Variants in BIN1 observed in about 807,000 individuals in gnomAD.
BIN1 encodes the protein bridging integrator 1.
BIN1 carries 53 observed loss-of-function variants against 82.0 expected under a neutral mutation model. The ratio of observed to expected loss-of-function variants is 0.65; its 90% CI spans 0.52 to 0.81. The LOEUF (loss-of-function observed/expected upper bound fraction) is 0.81. Among genes scored for constraint, BIN1 ranks in the 40% least tolerant of loss-of-function variants. BIN1 has a pLI of 0.00. For missense variants in BIN1, 642 were observed against 784.4 expected (o/e 0.82, Z 2.17); for synonymous variants, 302 against 328.0 (o/e 0.92, Z 0.86).
chr2:127,065,665 C>T lies in BIN1; in HGVS notation c.613-1647G>A, dbSNP rs1009004924. Among the ~76,000 whole-genome samples the T allele has an allele frequency of 3.3e-5, 5 of 152,186 alleles. No individual in the cohort carries two copies. The South Asian group carries it at 1.0e-3, about 31-fold the overall frequency. On this transcript the variant is annotated intron_variant, in intron 7 of 18. Coordinates refer to ENST00000316724, the MANE Select transcript of BIN1 (RefSeq NM_139343.3). The stretch of plus-strand genomic sequence containing the variant: ...CCCCCTCTCCATGAGGATGCAGCCA[C>T]CACCCCCACAACTCCCCAGATGGCA...
intron 2 of BIN1, 77 bp from the exon 3 acceptor site, chr2:127,070,893 T>C: frequency 6.9e-7 from 1 of 1,439,886 alleles, no homozygotes; most frequent in Non-Finnish European, 9.5e-7. Flanking sequence ...CCTGCCACCC[T>C]CACGTGAATG....
chr2:127,072,656 C>T (rs1686044325), intron 2 of BIN1, among the ~76,000 whole-genome samples: 1 of 152,074 alleles, frequency 6.6e-6, no homozygotes, highest in Admixed American at 6.5e-5. Flanking sequence ...CCTTTAATCC[C>T]CCATAGAGTA....
chr2:127,079,965 G>A (rs1263521887), intron 1 of BIN1, among the ~76,000 whole-genome samples: 1 of 152,236 alleles, frequency 6.6e-6, no homozygotes, highest in African/African-American at 2.4e-5. Flanking sequence ...GAGACCTCAG[G>A]CTGCTGAAGC....
intron 1 of BIN1, among the ~76,000 whole-genome samples, chr2:127,096,584 G>A (rs906911513): frequency 5.9e-5 from 9 of 152,090 alleles, no homozygotes; most frequent in Non-Finnish European, 5.9e-5. Context: ...TCTCTCATTC[G>A]GTGTCTCCCC....
intron 1 of BIN1, 94 bp from the exon 2 acceptor site, chr2:127,076,800 C>G: frequency 7.0e-7 from 1 of 1,421,708 alleles, no homozygotes; most frequent in Non-Finnish European, 9.9e-7. Context: ...AGACCAGGGG[C>G]TGGGAAGTCT....
chr2:127,099,121 A>G (rs1010718030), intron 1 of BIN1, among the ~76,000 whole-genome samples: 1 of 152,180 alleles, frequency 6.6e-6, no homozygotes, highest in Non-Finnish European at 1.5e-5. Flanking sequence ...GCACCCTCAA[A>G]CCCAGGGAGC....
At chr2:127,085,792 C>T (rs890992347) in intron 1 of BIN1, among the ~76,000 whole-genome samples, 1 of 152,210 alleles carries the variant, frequency 6.6e-6, no homozygotes, top group African/African-American at 2.4e-5. Flanking sequence ...TCCCTAGCTC[C>T]TCTGTGCCCC....
At chr2:127,091,571 A>G (rs1678930944) in intron 1 of BIN1, among the ~76,000 whole-genome samples, 1 of 152,172 alleles carries the variant, frequency 6.6e-6, no homozygotes, top group Non-Finnish European at 1.5e-5. Flanking sequence ...GAGGTGTTTG[A>G]TCAACAGGTA....
In BIN1 at chr2:127,086,697, G is replaced by C. The variant is rs201832605; in HGVS notation, c.85-9991C>G. ...TAATTTTTGAATTTTTAGTAGAGAT[G>C]GGGTTTCACCATGCTGGCCAGGCTG... On this transcript the variant is annotated intron_variant, in intron 1 of 18. Coordinates refer to ENST00000316724, the MANE Select transcript of BIN1 (RefSeq NM_139343.3). Among the ~76,000 whole-genome samples the C allele has an allele frequency of 2.0e-5, 3 of 151,998 alleles. No homozygotes were observed. The East Asian group carries it at 5.8e-4, about 29-fold the overall frequency.
intron 1 of BIN1, among the ~76,000 whole-genome samples, chr2:127,103,693 C>A (rs533479072): frequency 6.6e-6 from 1 of 152,342 alleles, no homozygotes; most frequent in South Asian, 2.1e-4. Context: ...AGCTGTCCTT[C>A]TCCCCAGGCG....
At position 127,093,613 on chromosome 2, in the gene BIN1, C is replaced by A. The variant is rs1290176042; in HGVS notation, c.84+13247G>T. On this transcript the variant is annotated intron_variant, in intron 1 of 18. Coordinates refer to ENST00000316724, the MANE Select transcript of BIN1 (RefSeq NM_139343.3). This position sits in a 1 kb window ranked among gnomAD's most constrained non-coding sequence, Gnocchi z 5.7. ...CATATGTCTACACGGCTGTCCATTC[C>A]TCACCAACTTATGTCTGAAAACAGA... is the stretch of plus-strand genomic sequence containing the variant. Among the ~76,000 whole-genome samples, 1 of 152,230 alleles carries A rather than the reference C, an allele frequency of 6.6e-6. No homozygotes were observed. Among genetic ancestry groups the A allele is most frequent in the African/African-American group, 2.4e-5 (1 of 41,464 alleles).
intron 9 of BIN1, among the ~76,000 whole-genome samples, chr2:127,062,609 G>A (rs1413464342): frequency 1.3e-5 from 2 of 152,196 alleles, no homozygotes; most frequent in African/African-American, 4.8e-5. Context: ...ACAGGCACGA[G>A]CGGAGGTTTA....
At chr2:127,052,659 G>A (rs1683114911) in intron 14 of BIN1, 3 of 448,522 alleles carry the variant, frequency 6.7e-6, no homozygotes, top group East Asian at 8.6e-5. Context: ...CCTCCAGAGG[G>A]AAATCCTGCG....
Position 127,057,721 on chromosome 2 carries a change from G to C in BIN1, c.1003-120C>G. ...CACCTCAGGCCACAGTCCCACCCAG[G>C]CCACTGAGCAGGACGCAGCAAATGA... On this transcript the variant is annotated intron_variant, in intron 11 of 18. Transcript: ENST00000316724. The surrounding 1 kb of genome is among the most constrained non-coding windows in gnomAD (Gnocchi z 5.0). The C allele has an allele frequency of 7.8e-7, 1 of 1,288,624 alleles. No homozygotes were observed. Among genetic ancestry groups the C allele is most frequent in the East Asian group, 2.7e-5 (1 of 36,980 alleles). 79.8% of individuals were successfully genotyped at this position (1,288,624 alleles called of 1,614,324 possible).
intron 18 of BIN1, among the ~76,000 whole-genome samples, chr2:127,048,870 T>G (rs574255426): frequency 8.5e-5 from 13 of 152,336 alleles, no homozygotes; most frequent in Non-Finnish European, 1.6e-4. Flanking sequence ...GATCTAACCA[T>G]TCGTGGCTGG....
At chr2:127,054,407 C>T (rs531218609) in intron 12 of BIN1, 19 of 292,724 alleles carry the variant, frequency 6.5e-5, no homozygotes, top group Middle Eastern at 1.2e-3. Context: ...ACCTCCTCTC[C>T]GCTCCCTGCG....
At position 127,090,117 on chromosome 2, in the gene BIN1, C is replaced by T. The variant is rs1298520584; in HGVS notation, c.85-13411G>A. 2.0e-5 allele frequency among the ~76,000 whole-genome samples: 3 copies of T among 152,132 alleles called. No homozygotes were observed. Among genetic ancestry groups the T allele is most frequent in the Non-Finnish European group, 2.9e-5 (2 of 68,014 alleles). Reference sequence around the variant, plus strand: ...ATACCAACCACCCCCCTTCCTCTCTCCAATCAAGCTCCCCTCTGCAGCCTC... The same window carrying T: ...ATACCAACCACCCCCCTTCCTCTCTTCAATCAAGCTCCCCTCTGCAGCCTC... On this transcript the variant is annotated intron_variant, in intron 1 of 18. Transcript: ENST00000316724. The surrounding 1 kb of genome is among the most constrained non-coding windows in gnomAD (Gnocchi z 6.4).
intron 1 of BIN1, among the ~76,000 whole-genome samples, chr2:127,097,051 G>A (rs1036582432): frequency 6.6e-6 from 1 of 152,138 alleles, no homozygotes. Context: ...CATTATTCAC[G>A]TTACCGTGCC....
chr2:127,101,670 T>C (rs1680367013), intron 1 of BIN1, among the ~76,000 whole-genome samples: 1 of 152,124 alleles, frequency 6.6e-6, no homozygotes, highest in South Asian at 2.1e-4. Flanking sequence ...CACACAAACT[T>C]CATCATATGC....
Sources: allele counts gnomAD v4.1 joint callset (sites outside exome capture counted in the v4.1 genomes callset), GRCh38; gene constraint gnomAD v4.1.1; non-coding constraint Gnocchi (gnomAD v3.1); transcripts MANE v1.5; gene names NCBI Gene and HGNC (gene_info 2026-07-23, HGNC 2026-07-21).